Variants in EYS observed in about 807,000 individuals in gnomAD.
The protein encoded by EYS is EGF-like photoreceptor maintenance factor.
A neutral mutation model predicts 282.1 loss-of-function variants in EYS; 250 were observed. The ratio of observed to expected loss-of-function variants is 0.89; its 90% CI spans 0.80 to 0.98. The LOEUF (loss-of-function observed/expected upper bound fraction) is 0.98, where lower values mean the gene tolerates loss of function less well. EYS is among the 50% of genes least tolerant of loss of function. The probability of loss-of-function intolerance (pLI) is 0.00; values close to 1 mark genes in which losing one functional copy is unlikely to be tolerated. For synonymous variants in EYS, 1,355 were observed against 1,282.9 expected (o/e 1.06, Z -1.20); for missense variants, 4,016 against 3,709.0 (o/e 1.08, Z -2.15).
chr6:63,848,482 A>G lies in EYS; in HGVS notation c.7228+15704T>C, dbSNP rs186163420. ...ATATTTCTGCACTTCCAACTGAGGT[A>G]CCCAGTTCATCTCATTGGGACTGGT... On this transcript the variant is annotated intron_variant, in intron 36 of 42. Coordinates refer to ENST00000503581, the MANE Select transcript of EYS (RefSeq NM_001142800.2). 2.6e-5 allele frequency among the ~76,000 whole-genome samples: 4 copies of G among 151,928 alleles called. No homozygotes were observed. In the East Asian group the frequency reaches 7.8e-4, roughly 30 times the overall value.
intron 26 of EYS, among the ~76,000 whole-genome samples, chr6:64,508,958 G>T (rs1777300255): frequency 6.6e-6 from 1 of 151,520 alleles, no homozygotes; most frequent in Admixed American, 6.6e-5. Context: ...TATTCTTTAG[G>T]CAGGTTTTTG....
At chr6:65,179,478 T>C (rs138973229) in intron 12 of EYS, among the ~76,000 whole-genome samples, 6,351 of 152,218 alleles carry the variant, frequency 0.042, 240 homozygotes, top group Non-Finnish European at 0.06. Context: ...GATAAATTCC[T>C]CGACACATAC....
At chr6:65,567,499 G>T (rs1764317077) in intron 2 of EYS, among the ~76,000 whole-genome samples, 1 of 151,834 alleles carries the variant, frequency 6.6e-6, no homozygotes, top group Admixed American at 6.6e-5. Context: ...TAATAAAAAT[G>T]ATGCAGCTTT....
intron 30 of EYS, among the ~76,000 whole-genome samples, chr6:64,287,682 G>A (rs1441587705): frequency 2.6e-5 from 4 of 152,124 alleles, no homozygotes; most frequent in African/African-American, 7.2e-5. Flanking sequence ...CCCTCTGTTA[G>A]AGTTCATGTT....
chr6:64,409,160 T>G (rs1773809095), intron 28 of EYS, among the ~76,000 whole-genome samples: 1 of 152,214 alleles, frequency 6.6e-6, no homozygotes, highest in Admixed American at 6.5e-5. Flanking sequence ...TATTCCATGG[T>G]GTATATGCAC....
intron 26 of EYS, among the ~76,000 whole-genome samples, chr6:64,508,511 G>T (rs1411360597): frequency 2.0e-5 from 3 of 150,684 alleles, no homozygotes; most frequent in Non-Finnish European, 3.0e-5. Context: ...AAGGAGAAAT[G>T]ATATCCGCAT....
intron 1 of EYS, among the ~76,000 whole-genome samples, chr6:65,650,074 C>T (rs1767599366): frequency 6.6e-6 from 1 of 152,136 alleles, no homozygotes; most frequent in Admixed American, 6.6e-5. Context: ...TAATGGTTTA[C>T]AAAACTTTCT....
At chr6:63,849,430 C>T (rs1464554464) in intron 36 of EYS, among the ~76,000 whole-genome samples, 2 of 152,146 alleles carry the variant, frequency 1.3e-5, no homozygotes, top group East Asian at 3.9e-4. Flanking sequence ...ACACCTCATA[C>T]AGGAGAGCAC....
intron 13 of EYS, among the ~76,000 whole-genome samples, chr6:65,019,570 T>A (rs888207484): frequency 6.6e-6 from 1 of 152,122 alleles, no homozygotes; most frequent in Non-Finnish European, 1.5e-5. Context: ...ATAAATGACA[T>A]AAGGTATGTT....
intron 13 of EYS, among the ~76,000 whole-genome samples, chr6:65,054,819 T>C (rs1773367590): frequency 6.6e-6 from 1 of 152,094 alleles, no homozygotes; most frequent in Non-Finnish European, 1.5e-5. Context: ...TGAAGAATCC[T>C]TTTCACTATA....
intron 14 of EYS, among the ~76,000 whole-genome samples, chr6:64,983,255 T>G (rs1451925690): frequency 6.6e-6 from 1 of 151,160 alleles, no homozygotes; most frequent in East Asian, 1.9e-4. Context: ...ATGTACAATA[T>G]GAAGTAAGTG....
chr6:65,674,279 G>A (rs1234388427), intron 1 of EYS, among the ~76,000 whole-genome samples: 4 of 151,430 alleles, frequency 2.6e-5, no homozygotes, highest in African/African-American at 9.7e-5. Flanking sequence ...GAACAACCAC[G>A]TTGAAGAAGT....
At chr6:64,816,107 T>C (rs75139813) in intron 21 of EYS, among the ~76,000 whole-genome samples, 6,227 of 152,166 alleles carry the variant, frequency 0.041, 156 homozygotes, top group East Asian at 0.081. Flanking sequence ...GGTAGTGGAA[T>C]ACTTTCCTCA....
intron 37 of EYS, among the ~76,000 whole-genome samples, chr6:63,800,666 G>A (rs961061378): frequency 5.9e-5 from 9 of 152,262 alleles, no homozygotes; most frequent in East Asian, 1.9e-4. Context: ...CTAGCTGGGC[G>A]TGGTGGTGGG....
rs1767601964 is a variant in EYS at position 64,626,147 on chromosome 6, T to C, written c.3542A>G (p.Asn1181Ser). The C allele has an allele frequency of 7.1e-6, 11 of 1,546,178 alleles. No individual in the cohort carries two copies. Among genetic ancestry groups the C allele is most frequent in the Middle Eastern group, 2.0e-4 (1 of 4,994 alleles). ...TGGTTGGCATTTGCAAACATATCCA[T>C]TGATGTGATCTTCACAGTCTGCACC... ...LHGADCEDHI[N>S]GYVCKCQPGW... The change falls in exon 23 of 43, where the codon AAT (asparagine) becomes AGT (serine). Residue 1181 changes from asparagine to serine, a missense_variant. By Grantham distance (46) the Asn-to-Ser change is conservative (BLOSUM62 1). Transcript: ENST00000503581.
At chr6:65,600,112 T>TTCCTTTCATA (rs1316417215) in intron 2 of EYS, among the ~76,000 whole-genome samples, 4 of 152,096 alleles carry the variant, frequency 2.6e-5, no homozygotes, top group African/African-American at 9.7e-5. Flanking sequence ...TAATTTCATT[T>TTCCTTTCATA]TCCTTCATCT....
intron 18 of EYS, among the ~76,000 whole-genome samples, chr6:64,891,927 CTT>C (rs1192720091): frequency 6.6e-6 from 1 of 151,902 alleles, no homozygotes; most frequent in Non-Finnish European, 1.5e-5. Flanking sequence ...TAGAATTAAA[CTT>C]AAATATATTG....
In EYS at chr6:65,335,093, C is replaced by G; in HGVS notation, c.1653G>C (p.Arg551=). The change falls in exon 11 of 43, where the codon CGG becomes CGC. Residue 551 remains arginine (R), a synonymous_variant. Transcript: ENST00000503581. ...CLSEEDSQEY[R]YLCFLRWAGN... ...CAGCCCATCTGAGAAAACATAGATACCGATATTCCTGACTGTCTTCTTCAC... is the reference window on the plus strand; with the variant it reads ...CAGCCCATCTGAGAAAACATAGATAGCGATATTCCTGACTGTCTTCTTCAC... The G allele has an allele frequency of 6.2e-7, 1 of 1,612,040 alleles. No homozygotes were observed. The highest frequency in any genetic ancestry group is 1.1e-5 in the South Asian group (1 of 91,048).
intron 33 of EYS, among the ~76,000 whole-genome samples, chr6:64,014,976 A>G (rs938279943): frequency 6.6e-5 from 10 of 152,120 alleles, no homozygotes; most frequent in Non-Finnish European, 8.8e-5. Flanking sequence ...AATTCAACCA[A>G]TATAAAAATA....
Sources: allele counts gnomAD v4.1 joint callset (sites outside exome capture counted in the v4.1 genomes callset), GRCh38; gene constraint gnomAD v4.1.1; transcripts MANE v1.5; gene names NCBI Gene and HGNC (gene_info 2026-07-23, HGNC 2026-07-21).